The following TLL1 variants were observed in gnomAD, a reference collection of about 807,000 sequenced individuals.
TLL1 encodes tolloid-like protein 1.
A neutral mutation model predicts 128.2 loss-of-function variants in TLL1; 49 were observed. The observed-to-expected ratio is 0.38, with a 90% CI of 0.30 to 0.48. The LOEUF (loss-of-function observed/expected upper bound fraction) is 0.48. Among genes scored for constraint, TLL1 ranks in the 20% least tolerant of loss-of-function variants. The probability of loss-of-function intolerance (pLI) is 0.96; values close to 1 mark genes in which losing one functional copy is unlikely to be tolerated. For synonymous variants in TLL1, 454 were observed against 418.8 expected, an observed-to-expected ratio of 1.08 and a Z score of -1.03; for missense variants, 1,123 against 1,242.0, an observed-to-expected ratio of 0.90 and a Z score of 1.44.
intron 12 of TLL1, among the ~76,000 whole-genome samples, chr4:166,044,161 T>A (rs547200197): frequency 6.6e-6 from 1 of 152,124 alleles, no homozygotes; most frequent in Non-Finnish European, 1.5e-5. Context: ...AGAAGAACAA[T>A]GAGATGCAGG....
chr4:165,894,218 C>G (rs1731556323), intron 1 of TLL1, among the ~76,000 whole-genome samples: 1 of 151,940 alleles, frequency 6.6e-6, no homozygotes, highest in Non-Finnish European at 1.5e-5. Context: ...TCAACAAATC[C>G]CCAAGTACAA....
chr4:166,070,329 T>C (rs982173505), intron 16 of TLL1, among the ~76,000 whole-genome samples: 7 of 151,958 alleles, frequency 4.6e-5, no homozygotes, highest in Admixed American at 3.3e-4. Context: ...AGTTGGACTT[T>C]ATACCTGAAA....
chr4:166,099,453 G>A lies in TLL1; in HGVS notation c.2833G>A (p.Gly945Ser), dbSNP rs1375400412. ...TGAAGTGGAGGAAGAAGCAGACTGT[G>A]GCTATGACTATGTGGAGCTCTTTGA... ...TFEVEEEADC[G>S]YDYVELFDGL... The change falls in exon 20 of 21, where the codon GGC (glycine) becomes AGC (serine). Residue 945 changes from glycine to serine, a missense_variant. By Grantham distance (56) the Gly-to-Ser change is moderately conservative. Around this residue, in one of 3 missense-constraint regions of TLL1, gnomAD observed 634 missense variants for 672.4 expected, o/e 0.94. Coordinates refer to ENST00000061240, the MANE Select transcript of TLL1 (RefSeq NM_012464.5). The A allele has an allele frequency of 1.1e-5, 18 of 1,613,498 alleles. No individual in the cohort carries two copies. Among genetic ancestry groups the A allele is most frequent in the Non-Finnish European group, 1.5e-5 (18 of 1,179,644 alleles).
chr4:166,057,187 A>G lies in TLL1; in HGVS notation c.1724A>G (p.Glu575Gly). Residue 575 changes from glutamate to glycine, a missense_variant, in exon 14 of 21, where the codon GAA becomes GGA. Physicochemically the swap from Glu to Gly is moderately conservative, Grantham distance 98. Coordinates refer to ENST00000061240, the MANE Select transcript of TLL1 (RefSeq NM_012464.5). ...AGFAANFFKE[E>G]DECAKPDRGG... ...ATAACTATGACCATTTTCATAGAGG[A>G]AGATGAGTGTGCCAAACCTGACCGT... 2 of 1,613,840 alleles carry G rather than the reference A, an allele frequency of 1.2e-6. No individual in the cohort carries two copies. The highest frequency in any genetic ancestry group is 2.2e-5 in the South Asian group (2 of 91,072).
intron 8 of TLL1, among the ~76,000 whole-genome samples, chr4:166,023,726 T>TTTA (rs1452480612): frequency 1.3e-5 from 2 of 152,166 alleles, no homozygotes; most frequent in South Asian, 2.1e-4. Flanking sequence ...TTTTAGTGTA[T>TTTA]GTTGTATTTT....
chr4:166,047,449 C>G (rs559859946), intron 12 of TLL1, among the ~76,000 whole-genome samples: 75 of 150,424 alleles, frequency 5.0e-4, no homozygotes, highest in African/African-American at 1.8e-3. Context: ...CAGGTATGAG[C>G]CACCGCACCT....
intron 9 of TLL1, chr4:166,030,304 G>T (rs1008675334): frequency 2.5e-6 from 1 of 393,310 alleles, no homozygotes; most frequent in African/African-American, 2.1e-5. Flanking sequence ...TTTGTATATC[G>T]TCCTTGTAGA....
At chr4:165,983,097 C>A (rs1736227280) in intron 1 of TLL1, among the ~76,000 whole-genome samples, 1 of 151,800 alleles carries the variant, frequency 6.6e-6, no homozygotes, top group Admixed American at 6.6e-5. Context: ...TTAGGCCATA[C>A]ACACAAAAAA....
chr4:165,938,319 A>C (rs1202473812), intron 1 of TLL1, among the ~76,000 whole-genome samples: 2 of 152,024 alleles, frequency 1.3e-5, no homozygotes, highest in African/African-American at 4.8e-5. Flanking sequence ...GTGAGCCTTC[A>C]TGATCTTGAT....
chr4:166,047,310 G>A (rs1046712151), intron 12 of TLL1, among the ~76,000 whole-genome samples: 38 of 151,398 alleles, frequency 2.5e-4, no homozygotes, highest in Non-Finnish European at 3.4e-4. Context: ...GACTACAGGC[G>A]TGTGCCACTG....
chr4:165,946,145 C>G (rs1734238705), intron 1 of TLL1, among the ~76,000 whole-genome samples: 1 of 152,090 alleles, frequency 6.6e-6, no homozygotes, highest in African/African-American at 2.4e-5. Flanking sequence ...ACTTCACTCT[C>G]TAACTGCAGG....
intron 1 of TLL1, among the ~76,000 whole-genome samples, chr4:165,936,284 A>T (rs1733761439): frequency 1.5e-5 from 2 of 134,410 alleles, no homozygotes; most frequent in South Asian, 2.3e-4. Context: ...CAGTGATGTG[A>T]TCTCAGCTCA....
intron 12 of TLL1, chr4:166,053,322 C>T (rs915922011): frequency 5.9e-5 from 9 of 151,874 alleles, no homozygotes; most frequent in East Asian, 1.9e-4. Flanking sequence ...TATCTTGCTA[C>T]GCTTTCTATT....
At chr4:166,024,657 G>A (rs928332040) in intron 8 of TLL1, among the ~76,000 whole-genome samples, 2 of 151,876 alleles carry the variant, frequency 1.3e-5, no homozygotes, top group African/African-American at 4.8e-5. Context: ...TTGGTTCCAG[G>A]GAATTAGACA....
intron 1 of TLL1, among the ~76,000 whole-genome samples, chr4:165,877,639 T>A (rs1007194214): frequency 2.6e-5 from 4 of 152,202 alleles, no homozygotes; most frequent in Non-Finnish European, 4.4e-5. Context: ...GCCAAATATG[T>A]GTACAGATTA....
At chr4:165,999,810 G>A (rs1737068100) in intron 5 of TLL1, among the ~76,000 whole-genome samples, 1 of 152,044 alleles carries the variant, frequency 6.6e-6, no homozygotes, top group Non-Finnish European at 1.5e-5. Context: ...AAAAGAAACT[G>A]AGTTATTTTA....
intron 1 of TLL1, among the ~76,000 whole-genome samples, chr4:165,902,654 GA>G (rs1442306771): frequency 6.6e-6 from 1 of 152,134 alleles, no homozygotes; most frequent in African/African-American, 2.4e-5. Context: ...TGGAAATGCA[GA>G]AATCACCCAC....
intron 1 of TLL1, among the ~76,000 whole-genome samples, chr4:165,878,612 A>G (rs965070134): frequency 2.6e-5 from 4 of 152,158 alleles, no homozygotes; most frequent in Admixed American, 6.5e-5. Flanking sequence ...AGACTGAGCA[A>G]GGTCAAAAGC....
chr4:166,094,901 G>A (rs1166900579), intron 19 of TLL1, among the ~76,000 whole-genome samples: 1 of 151,932 alleles, frequency 6.6e-6, no homozygotes, highest in African/African-American at 2.4e-5. Flanking sequence ...AAATGTGTGG[G>A]AATTTTTAAG....
Sources: allele counts gnomAD v4.1 joint callset (sites outside exome capture counted in the v4.1 genomes callset), GRCh38; gene constraint gnomAD v4.1.1; regional missense constraint gnomAD v4.1.1; transcripts MANE v1.5; gene names NCBI Gene and HGNC (gene_info 2026-07-23, HGNC 2026-07-21).